The following ALPK3 variants were observed in gnomAD, a reference collection of about 807,000 sequenced individuals.
ALPK3 encodes the protein alpha kinase 3, also known as alpha-protein kinase 3.
In ALPK3, 102 loss-of-function variants were observed where a neutral mutation model predicts 140.0. That is an observed-to-expected ratio of 0.73 (90% CI 0.62 to 0.86). The LOEUF (loss-of-function observed/expected upper bound fraction) is 0.86. ALPK3 is among the 40% of genes least tolerant of loss of function. The pLI is 0.00. For synonymous variants in ALPK3, 938 were observed against 898.5 expected (o/e 1.04, Z -0.79); for missense variants, 2,254 against 2,208.2 (o/e 1.02, Z -0.42).
In ALPK3 at chr15:84,839,869, A is replaced by G. The variant is rs1596149679; in HGVS notation, c.590A>G (p.Glu197Gly). Residue 197 changes from glutamate to glycine, a missense_variant, in exon 5 of 14, where the codon GAG becomes GGG. Coordinates refer to ENST00000258888, the MANE Select transcript of ALPK3 (RefSeq NM_020778.5). ...GCTGCGGCAAAGCTGCGCGAGATCG[A>G]GCAGAGCTGGAAGCACGAGAAGGCG... ...RKAAAKLREI[E>G]QSWKHEKAVP... The G allele has an allele frequency of 6.2e-7, 1 of 1,614,104 alleles. No homozygotes were observed. Among genetic ancestry groups the G allele is most frequent in the Admixed American group, 1.7e-5 (1 of 60,038 alleles).
chr15:84,840,332 G>A lies in ALPK3; in HGVS notation c.1053G>A (p.Glu351=), dbSNP rs1047210523. The change falls in exon 5 of 14, where the codon GAG becomes GAA. Residue 351 remains glutamate (E), a synonymous_variant. Coordinates refer to ENST00000258888, the MANE Select transcript of ALPK3 (RefSeq NM_020778.5). ...AAAACTGCATCCCCAGCTCAGACGAGCCTGACTCCTGTGGGACTCAGGGGC... is the reference window on the plus strand; with the variant it reads ...AAAACTGCATCCCCAGCTCAGACGAACCTGACTCCTGTGGGACTCAGGGGC... ...SSENCIPSSD[E]PDSCGTQGPV... 1.9e-6 allele frequency: 3 copies of A among 1,613,976 alleles called. No individual in the cohort carries two copies. Among genetic ancestry groups the A allele is most frequent in the Non-Finnish European group, 2.5e-6 (3 of 1,179,976 alleles).
At chr15:84,852,783 T>C (rs904522809) in intron 5 of ALPK3, among the ~76,000 whole-genome samples, 1 of 152,250 alleles carries the variant, frequency 6.6e-6, no homozygotes, top group African/African-American at 2.4e-5. Flanking sequence ...CTTTATCCTG[T>C]CAGTGATGAT....
chr15:84,823,127 T>A (rs565949896), intron 1 of ALPK3, among the ~76,000 whole-genome samples: 15 of 152,328 alleles, frequency 9.8e-5, no homozygotes, highest in African/African-American at 3.4e-4. Context: ...CTGCATTTAA[T>A]GAGCTCTTGG....
intron 3 of ALPK3, among the ~76,000 whole-genome samples, chr15:84,835,426 G>A (rs1426429799): frequency 6.6e-6 from 1 of 152,114 alleles, no homozygotes; most frequent in African/African-American, 2.4e-5. Flanking sequence ...GGGTTCCCTT[G>A]TCAGGCATGC....
rs371328799 is a variant in ALPK3, at chr15:84,863,677, A to G, written c.4499+37A>G. ...GCGAGGAGGACGTGCAGTGTGCAGC[A>G]CTGTTGCCTTGGGCTTCTGCAAAGA... is the stretch of plus-strand genomic sequence containing the variant. On this transcript the variant is annotated intron_variant, in intron 11 of 13. Transcript: ENST00000258888. The G allele has an allele frequency of 3.0e-4, 478 of 1,590,492 alleles. 2 individuals carry two copies. The highest frequency in any genetic ancestry group is 8.8e-4 in the South Asian group (78 of 88,880).
Position 84,868,775 on chromosome 15 carries a change from TC to T in ALPK3, c.*321del, listed in dbSNP as rs1364714813. 2.6e-6 allele frequency: 1 copy of T among 378,656 alleles called. No homozygotes were observed. Among genetic ancestry groups the T allele is most frequent in the African/African-American group, 2.0e-5 (1 of 49,384 alleles). The allele number at this position is 378,656 out of a possible 1,614,324, so 23.5% of individuals were successfully genotyped here. On this transcript the variant is annotated 3_prime_UTR_variant, in exon 14 of 14. Transcript: ENST00000258888. ...TGCCACTGCTGGAGGCTCCCCTGAG[TC>T]CTCTGCATGAGTTCTGCACCCCAAG...
chr15:84,867,597 C>T (rs1377704138), intron 13 of ALPK3, among the ~76,000 whole-genome samples: 2 of 152,106 alleles, frequency 1.3e-5, no homozygotes, highest in Non-Finnish European at 2.9e-5. Flanking sequence ...CAATCCAGAG[C>T]TCTCACATAC....
intron 9 of ALPK3, among the ~76,000 whole-genome samples, chr15:84,860,750 T>G (rs987312252): frequency 2.0e-5 from 3 of 152,208 alleles, no homozygotes; most frequent in African/African-American, 7.2e-5. Context: ...TGAGATGGAG[T>G]CTCACTCTGT....
intron 3 of ALPK3, among the ~76,000 whole-genome samples, chr15:84,837,307 G>A (rs1181966847): frequency 2.0e-5 from 3 of 152,230 alleles, no homozygotes; most frequent in Non-Finnish European, 1.5e-5. Flanking sequence ...TGATGATGCA[G>A]GAGCGAGCAG....
chr15:84,858,975 A>ACTG (rs1963904184), intron 6 of ALPK3, among the ~76,000 whole-genome samples: 1 of 152,156 alleles, frequency 6.6e-6, no homozygotes, highest in Non-Finnish European at 1.5e-5. Flanking sequence ...TCCTGTCTCA[A>ACTG]CTGCTGTCTG....
At position 84,857,546 on chromosome 15, in the gene ALPK3, C is replaced by T. The variant is rs549842134; in HGVS notation, c.2808C>T (p.Cys936=). The T allele has an allele frequency of 7.4e-5, 117 of 1,584,886 alleles. No individual in the cohort carries two copies. The highest frequency in any genetic ancestry group is 6.6e-4 in the Admixed American group (38 of 57,550). The part of the protein sequence containing the change: ...ETMATSSEGA[C]AQVPDVEGRT... Reference sequence around the variant, plus strand: ...TGGCCACCAGCAGTGAGGGGGCCTGCGCCCAGGTACCAGATGTGGAGGGGC... The same window carrying T: ...TGGCCACCAGCAGTGAGGGGGCCTGTGCCCAGGTACCAGATGTGGAGGGGC... The change falls in exon 6 of 14, where the codon TGC becomes TGT. Residue 936 remains cysteine, a synonymous_variant. Coordinates refer to ENST00000258888, the MANE Select transcript of ALPK3 (RefSeq NM_020778.5).
intron 12 of ALPK3, among the ~76,000 whole-genome samples, chr15:84,865,391 C>T (rs181302868): frequency 4.6e-5 from 7 of 152,084 alleles, no homozygotes; most frequent in South Asian, 2.1e-4. Flanking sequence ...AGATATAAAA[C>T]GGACTCAAAT....
Position 84,856,911 on chromosome 15 carries a change from G to A in ALPK3, c.2173G>A (p.Glu725Lys). 1 of 1,614,040 alleles carries A rather than the reference G, an allele frequency of 6.2e-7. No individual in the cohort carries two copies. The highest frequency in any genetic ancestry group is 2.2e-5 in the East Asian group (1 of 44,876). ...GCCCACAGCCATGGAAGGTCAGTCT[G>A]AGCAAGAGGTGGCAACCAGCCTCGG... ...SAPTAMEGQSEQEVATSLGPP... is the reference protein window; with the variant it reads ...SAPTAMEGQSKQEVATSLGPP... The change falls in exon 6 of 14, where the codon GAG becomes AAG. Residue 725 changes from glutamate to lysine, a missense_variant. Transcript: ENST00000258888.
Position 84,858,518 on chromosome 15 carries a change from A to G in ALPK3, c.3780A>G (p.Thr1260=), listed in dbSNP as rs764100275. The G allele has an allele frequency of 1.3e-5, 21 of 1,587,698 alleles. No homozygotes were observed. The East Asian group carries it at 4.5e-4, about 34-fold the overall frequency. The change falls in exon 6 of 14, where the codon ACA becomes ACG. Residue 1260 remains threonine (T), a synonymous_variant. Transcript: ENST00000258888. ...CCCTGGATGAAGGCAAGCAGGAGAC[A>G]CTGGCCAAGCCCAGGAAAGCCAAAG... ...EVALDEGKQE[T]LAKPRKAKDL...
chr15:84,826,815 G>A (rs985153828), intron 2 of ALPK3, among the ~76,000 whole-genome samples: 3 of 152,158 alleles, frequency 2.0e-5, no homozygotes, highest in Non-Finnish European at 4.4e-5. Flanking sequence ...GAGCAGGGGA[G>A]CCACAGCTGG....
Position 84,858,348 on chromosome 15 carries a change from TC to T in ALPK3, c.3614del (p.Pro1205GlnfsTer67). ...RGPRKSLVPG[S>X]PGTPGRERRS... is the part of the protein sequence containing the mutation. ...GCCCAGGAAAAGCCTGGTGCCTGGGTCCCCAGGGACTCCAGGGCGGGAGAGA... is the reference window on the plus strand; with the variant it reads ...GCCCAGGAAAAGCCTGGTGCCTGGGTCCCAGGGACTCCAGGGCGGGAGAGA... On this transcript the variant is annotated frameshift_variant, in exon 6 of 14. Transcript: ENST00000258888. LOFTEE classifies it high-confidence loss of function. The T allele has an allele frequency of 6.4e-7, 1 of 1,556,322 alleles. No homozygotes were observed. Among genetic ancestry groups the T allele is most frequent in the African/African-American group, 1.4e-5 (1 of 73,352 alleles).
At chr15:84,865,539 T>G (rs1027760303) in intron 12 of ALPK3, among the ~76,000 whole-genome samples, 2 of 152,168 alleles carry the variant, frequency 1.3e-5, no homozygotes, top group Non-Finnish European at 2.9e-5. Context: ...CTTCCATCCT[T>G]TTTCCATCCA....
intron 2 of ALPK3, among the ~76,000 whole-genome samples, chr15:84,825,486 A>G (rs1457441941): frequency 1.3e-5 from 2 of 152,122 alleles, no homozygotes; most frequent in African/African-American, 4.8e-5. Flanking sequence ...GTTTTTCATT[A>G]TCTAGCATGA....
intron 12 of ALPK3, among the ~76,000 whole-genome samples, chr15:84,866,389 T>A (rs1417353515): frequency 6.6e-6 from 1 of 152,214 alleles, no homozygotes; most frequent in Non-Finnish European, 1.5e-5. Context: ...TGAAGTGACT[T>A]GTCGAGTACC....
Sources: gnomAD v4.1 joint callset for allele counts (sites outside exome capture counted in the v4.1 genomes callset) on GRCh38, gnomAD v4.1.1 for gene constraint, MANE v1.5 for transcripts, NCBI Gene and HGNC (gene_info 2026-07-23, HGNC 2026-07-21) for gene names.